Variants in HDAC9 observed in about 807,000 individuals in gnomAD.
The protein encoded by HDAC9 is histone deacetylase 9.
In HDAC9, 41 loss-of-function variants were observed where a neutral mutation model predicts 139.4. The observed-to-expected ratio is 0.29, with a 90% CI of 0.23 to 0.38. The LOEUF is 0.38. HDAC9 is among the 10% of genes least tolerant of loss of function. HDAC9 has a pLI of 1.00. For synonymous variants in HDAC9, 517 were observed against 476.2 expected (o/e 1.09, Z -1.12); for missense variants, 1,147 against 1,297.0 (o/e 0.88, Z 1.78).
intron 21 of HDAC9, among the ~76,000 whole-genome samples, chr7:18,872,789 G>T (rs567838235): frequency 9.2e-5 from 14 of 152,184 alleles, no homozygotes; most frequent in African/African-American, 3.4e-4. Context: ...TATGTGAATT[G>T]TGCCTTGAAG....
chr7:18,382,438 G>A (rs1455661920), intron 1 of HDAC9, among the ~76,000 whole-genome samples: 1 of 152,196 alleles, frequency 6.6e-6, no homozygotes, highest in Non-Finnish European at 1.5e-5. Flanking sequence ...CATTGTTTTT[G>A]CAAGATTTTA....
intron 13 of HDAC9, among the ~76,000 whole-genome samples, chr7:18,741,531 T>G (rs1401153316): frequency 1.3e-5 from 2 of 152,206 alleles, no homozygotes; most frequent in Non-Finnish European, 2.9e-5. Context: ...CCTAATTGAC[T>G]GTGTACCTGG....
intron 22 of HDAC9, among the ~76,000 whole-genome samples, chr7:18,878,223 C>T (rs572207052): frequency 6.6e-6 from 1 of 152,146 alleles, no homozygotes; most frequent in South Asian, 2.1e-4. Flanking sequence ...GGTTTAAATT[C>T]GTTTTGCCAC....
chr7:18,495,950 GC>G lies in HDAC9; in HGVS notation c.-114del. 8.0e-7 allele frequency: 1 copy of G among 1,252,454 alleles called. No individual in the cohort carries two copies. Among genetic ancestry groups the G allele is most frequent in the Non-Finnish European group, 1.0e-6 (1 of 1,000,012 alleles). The allele number at this position is 1,252,454 out of a possible 1,614,324, so 77.6% of individuals were successfully genotyped here. ...CGAAGCACGTTCCTATTTCCCACCT[GC>G]TTGTAGTTTCCGGGATAACCTAAAC... is the stretch of plus-strand genomic sequence containing the variant. On this transcript the variant is annotated 5_prime_UTR_variant, in exon 1 of 26. Coordinates refer to ENST00000686413, the MANE Select transcript of HDAC9 (RefSeq NM_178425.4).
chr7:18,924,586 T>C (rs1001275389), intron 22 of HDAC9, among the ~76,000 whole-genome samples: 1 of 152,152 alleles, frequency 6.6e-6, no homozygotes, highest in African/African-American at 2.4e-5. Flanking sequence ...ATGTCCCCAT[T>C]TTCCTTAGAA....
At chr7:18,927,268 A>G (rs1296658201) in intron 22 of HDAC9, among the ~76,000 whole-genome samples, 1 of 152,204 alleles carries the variant, frequency 6.6e-6, no homozygotes, top group Non-Finnish European at 1.5e-5. Context: ...TGCCTACCAT[A>G]TGAATTACAG....
At chr7:18,505,145 T>C (rs1799415352) in intron 2 of HDAC9, among the ~76,000 whole-genome samples, 1 of 152,194 alleles carries the variant, frequency 6.6e-6, no homozygotes, top group African/African-American at 2.4e-5. Flanking sequence ...GCTCTTTTCC[T>C]TGGAGCAGAT....
chr7:18,627,603 C>T (rs1469984362), intron 6 of HDAC9, among the ~76,000 whole-genome samples: 1 of 152,126 alleles, frequency 6.6e-6, no homozygotes, highest in Non-Finnish European at 1.5e-5. Flanking sequence ...GAGATAGATT[C>T]CTACACTAAG....
chr7:18,772,500 T>C (rs1053232213), intron 16 of HDAC9, among the ~76,000 whole-genome samples: 1 of 152,140 alleles, frequency 6.6e-6, no homozygotes, highest in Admixed American at 6.6e-5. Context: ...AGCATCTGCT[T>C]CTCACATGCA....
At chr7:18,376,402 A>G (rs1342227428) in intron 1 of HDAC9, among the ~76,000 whole-genome samples, 5 of 152,238 alleles carry the variant, frequency 3.3e-5, no homozygotes, top group Non-Finnish European at 7.3e-5. Flanking sequence ...TTTTGATTTC[A>G]TAGAATGAGT....
intron 1 of HDAC9, among the ~76,000 whole-genome samples, chr7:18,381,210 A>G (rs1437088209): frequency 1.3e-5 from 2 of 150,224 alleles, no homozygotes; most frequent in African/African-American, 4.9e-5. Flanking sequence ...AAAAAAAAAA[A>G]AAAAAAAAAA....
intron 2 of HDAC9, among the ~76,000 whole-genome samples, chr7:18,257,401 C>T (rs201524250): frequency 7.6e-6 from 1 of 130,950 alleles, no homozygotes; most frequent in African/African-American, 2.9e-5. Flanking sequence ...TCTGTCTCTC[C>T]CACACACACA....
chr7:18,768,198 G>A (rs931523629), intron 16 of HDAC9, among the ~76,000 whole-genome samples: 2 of 152,192 alleles, frequency 1.3e-5, no homozygotes, highest in Non-Finnish European at 2.9e-5. Context: ...TTTTGCAAAT[G>A]AGAAAGTGAA....
chr7:18,911,232 G>C (rs1802711391), intron 22 of HDAC9, among the ~76,000 whole-genome samples: 2 of 149,336 alleles, frequency 1.3e-5, no homozygotes, highest in African/African-American at 4.9e-5. Flanking sequence ...CTAATTTGTT[G>C]GTTTATACTT....
chr7:18,723,871 T>C (rs946967834), intron 12 of HDAC9, among the ~76,000 whole-genome samples: 2 of 152,190 alleles, frequency 1.3e-5, no homozygotes, highest in African/African-American at 4.8e-5. Flanking sequence ...AAATATCTAT[T>C]GCATTTTCTT....
At chr7:18,412,422 G>C (rs1292243582) in intron 1 of HDAC9, among the ~76,000 whole-genome samples, 1 of 152,118 alleles carries the variant, frequency 6.6e-6, no homozygotes, top group Non-Finnish European at 1.5e-5. Context: ...GGAAAGGAAG[G>C]CTTCCCACAG....
At chr7:18,740,535 G>A (rs1787356128) in intron 13 of HDAC9, among the ~76,000 whole-genome samples, 1 of 152,138 alleles carries the variant, frequency 6.6e-6, no homozygotes, top group African/African-American at 2.4e-5. Flanking sequence ...AGCGGGCATG[G>A]CCCCATCTTC....
intron 17 of HDAC9, among the ~76,000 whole-genome samples, chr7:18,819,439 G>T (rs1028946476): frequency 6.6e-6 from 1 of 152,026 alleles, no homozygotes; most frequent in East Asian, 1.9e-4. Flanking sequence ...TGATAAATTT[G>T]CCCAGAAAAT....
intron 2 of HDAC9, among the ~76,000 whole-genome samples, chr7:18,183,490 A>G (rs1426362481): frequency 6.6e-6 from 1 of 152,148 alleles, no homozygotes; most frequent in African/African-American, 2.4e-5. Flanking sequence ...ACCCTGATTC[A>G]GTTTCAAATC....
Sources: allele counts gnomAD v4.1 joint callset (sites outside exome capture counted in the v4.1 genomes callset), GRCh38; gene constraint gnomAD v4.1.1; transcripts MANE v1.5; gene names NCBI Gene and HGNC (gene_info 2026-07-23, HGNC 2026-07-21).